GPC5: variants seen among roughly 807,000 people sequenced by gnomAD.
The protein encoded by GPC5 is glypican 5, also known as glypican-5.
GPC5 carries 47 observed loss-of-function variants against 53.9 expected under a neutral mutation model. That is an observed-to-expected ratio of 0.87 (90% CI 0.69 to 1.11). The LOEUF (loss-of-function observed/expected upper bound fraction) is 1.11, where lower values mean the gene tolerates loss of function less well. Ranked by LOEUF, GPC5 falls within the 50% of genes most tolerant of loss-of-function variation. The probability of loss-of-function intolerance (pLI) is 0.00; values close to 1 mark genes in which losing one functional copy is unlikely to be tolerated. For synonymous variants in GPC5, 286 were observed against 263.3 expected (o/e 1.09, Z -0.84); for missense variants, 748 against 713.1 (o/e 1.05, Z -0.56).
intron 5 of GPC5, among the ~76,000 whole-genome samples, chr13:91,773,767 A>T (rs2037665097): frequency 6.6e-6 from 1 of 152,194 alleles, no homozygotes; most frequent in South Asian, 2.1e-4. Flanking sequence ...GCAGACATGC[A>T]AGTCAGCTTC....
intron 5 of GPC5, 28 bp downstream of exon 5, chr13:91,756,448 C>A (rs2037295305): frequency 2.0e-6 from 3 of 1,534,222 alleles, no homozygotes; most frequent in African/African-American, 2.7e-5. Flanking sequence ...TGAAAACCTA[C>A]TAGTTACATC....
At chr13:91,731,652 T>G (rs2036700707) in intron 4 of GPC5, among the ~76,000 whole-genome samples, 1 of 152,128 alleles carries the variant, frequency 6.6e-6, no homozygotes, top group Non-Finnish European at 1.5e-5. Flanking sequence ...CTGTATACAT[T>G]AGCTATTTGT....
intron 5 of GPC5, among the ~76,000 whole-genome samples, chr13:91,842,243 A>G (rs2038795923): frequency 6.6e-6 from 1 of 152,052 alleles, no homozygotes; most frequent in African/African-American, 2.4e-5. Flanking sequence ...CATAAAAGAA[A>G]TAAAGGAGAG....
At chr13:92,293,124 T>G (rs964322989) in intron 7 of GPC5, among the ~76,000 whole-genome samples, 1 of 152,158 alleles carries the variant, frequency 6.6e-6, no homozygotes, top group African/African-American at 2.4e-5. Context: ...TAGTTATTTT[T>G]GTTTAGTTTT....
intron 7 of GPC5, among the ~76,000 whole-genome samples, chr13:92,617,651 T>C (rs1038859939): frequency 2.0e-5 from 3 of 152,190 alleles, no homozygotes; most frequent in Middle Eastern, 3.2e-3. Context: ...GTCAGACATA[T>C]GTTATTCACT....
intron 7 of GPC5, among the ~76,000 whole-genome samples, chr13:92,457,253 G>A (rs1269199471): frequency 6.6e-6 from 1 of 152,020 alleles, no homozygotes; most frequent in Non-Finnish European, 1.5e-5. Context: ...CCACTGACAG[G>A]CACCTAGGTT....
intron 5 of GPC5, among the ~76,000 whole-genome samples, chr13:91,768,893 C>T (rs1290291025): frequency 6.6e-6 from 1 of 152,166 alleles, no homozygotes; most frequent in Non-Finnish European, 1.5e-5. Flanking sequence ...TACTCATGCT[C>T]TGTAGGGTAG....
At chr13:92,846,997 G>A (rs1437591958) in intron 7 of GPC5, among the ~76,000 whole-genome samples, 3 of 152,120 alleles carry the variant, frequency 2.0e-5, no homozygotes, top group Non-Finnish European at 2.9e-5. Flanking sequence ...ACTACATGGA[G>A]ATGCTCATGG....
intron 2 of GPC5, among the ~76,000 whole-genome samples, chr13:91,689,265 A>G (rs1014436847): frequency 7.1e-6 from 1 of 141,532 alleles, no homozygotes; most frequent in African/African-American, 2.6e-5. Flanking sequence ...TTTTTTTTAA[A>G]AAAGGTACAC....
chr13:92,715,570 A>C (rs1888302701), intron 7 of GPC5, among the ~76,000 whole-genome samples: 1 of 152,252 alleles, frequency 6.6e-6, no homozygotes, highest in African/African-American at 2.4e-5. Context: ...ATTCATTATC[A>C]GTAATAATGC....
At chr13:92,738,679 T>C (rs932446575) in intron 7 of GPC5, among the ~76,000 whole-genome samples, 6 of 152,094 alleles carry the variant, frequency 3.9e-5, no homozygotes, top group Non-Finnish European at 5.9e-5. Context: ...TTCTTTCTTT[T>C]AAATTTTCCT....
intron 7 of GPC5, among the ~76,000 whole-genome samples, chr13:92,430,564 T>C (rs1388042976): frequency 6.6e-6 from 1 of 152,154 alleles, no homozygotes; most frequent in Non-Finnish European, 1.5e-5. Flanking sequence ...TACATTTTTA[T>C]CACATTTTGG....
rs144404347 is a variant in GPC5, at chr13:92,578,069, G to A, written c.1562-288213G>A. Among the ~76,000 whole-genome samples the A allele has an allele frequency of 4.0e-3, 602 of 152,254 alleles. 7 individuals are homozygous for A. Among genetic ancestry groups the A allele is most frequent in the African/African-American group, 0.014 (586 of 41,552 alleles). ...CTGTAGAACTTGCAAAATCCTGAAT[G>A]TACTTACCATAAGGTTGGCCATTGG... On this transcript the variant is annotated intron_variant, in intron 7 of 7. Transcript: ENST00000377067.
intron 2 of GPC5, among the ~76,000 whole-genome samples, chr13:91,488,066 A>G (rs1883717767): frequency 6.6e-6 from 1 of 152,060 alleles, no homozygotes; most frequent in Non-Finnish European, 1.5e-5. Context: ...GGAGGGATGG[A>G]TAGGAAGAGA....
intron 2 of GPC5, among the ~76,000 whole-genome samples, chr13:91,678,479 A>T (rs2035433506): frequency 6.6e-6 from 1 of 152,194 alleles, no homozygotes; most frequent in Non-Finnish European, 1.5e-5. Flanking sequence ...ACTGTACTGT[A>T]GGCAGATATC....
intron 7 of GPC5, among the ~76,000 whole-genome samples, chr13:92,540,006 A>G (rs1027150533): frequency 5.3e-5 from 8 of 152,098 alleles, no homozygotes; most frequent in African/African-American, 1.7e-4. Flanking sequence ...TTCTTTAAGA[A>G]TGCACTTTTA....
At chr13:91,566,312 T>A (rs770861620) in intron 2 of GPC5, among the ~76,000 whole-genome samples, 3 of 152,148 alleles carry the variant, frequency 2.0e-5, no homozygotes, top group Non-Finnish European at 2.9e-5. Flanking sequence ...ATGTCTGTAA[T>A]CCCAGCACTT....
chr13:92,138,649 G>T (rs2041805183), intron 6 of GPC5, among the ~76,000 whole-genome samples: 1 of 152,180 alleles, frequency 6.6e-6, no homozygotes, highest in African/African-American at 2.4e-5. Flanking sequence ...ACCCTTTGTT[G>T]TTATTAAAGG....
At chr13:91,595,480 T>C (rs1305961978) in intron 2 of GPC5, among the ~76,000 whole-genome samples, 2 of 152,192 alleles carry the variant, frequency 1.3e-5, no homozygotes, top group African/African-American at 4.8e-5. Context: ...CTTTAACTTG[T>C]GAATTATTCA....
Sources: gnomAD v4.1 joint callset for allele counts (sites outside exome capture counted in the v4.1 genomes callset) on GRCh38, gnomAD v4.1.1 for gene constraint, MANE v1.5 for transcripts, NCBI Gene and HGNC (gene_info 2026-07-23, HGNC 2026-07-21) for gene names.